WWP2: variants seen among roughly 807,000 people sequenced by gnomAD.
WWP2 encodes the protein WW domain containing E3 ubiquitin protein ligase 2, also known as NEDD4-like E3 ubiquitin-protein ligase WWP2.
A neutral mutation model predicts 121.0 loss-of-function variants in WWP2; 57 were observed. The ratio of observed to expected loss-of-function variants is 0.47; its 90% CI spans 0.38 to 0.59. The LOEUF is 0.59. WWP2 is among the 20% of genes least tolerant of loss of function. The pLI is 0.00. For missense variants in WWP2, 962 were observed against 1,158.9 expected, an observed-to-expected ratio of 0.83 and a Z score of 2.47; for synonymous variants, 449 against 441.3, an observed-to-expected ratio of 1.02 and a Z score of -0.22.
In WWP2 at chr16:69,937,303, G is replaced by A. The variant is rs768682107; in HGVS notation, c.2238+65G>A. On this transcript the variant is annotated intron_variant, in intron 20 of 23. Coordinates refer to ENST00000359154, the MANE Select transcript of WWP2 (RefSeq NM_001270454.2). This position sits in a 1 kb window ranked among gnomAD's most constrained non-coding sequence, Gnocchi z 6.6. The stretch of plus-strand genomic sequence containing the variant: ...CTGGGGCGATCCTGCTCTGTGATAC[G>A]CTCACTGTGTACCCACAGACACTCA... 102 of 1,590,224 alleles carry A rather than the reference G, an allele frequency of 6.4e-5. 1 individual carries two copies. In the Middle Eastern group the frequency reaches 1.7e-3, roughly 26 times the overall value.
intron 1 of WWP2, among the ~76,000 whole-genome samples, chr16:69,766,780 G>T (rs1344905931): frequency 6.6e-6 from 1 of 152,090 alleles, no homozygotes; most frequent in Non-Finnish European, 1.5e-5. Flanking sequence ...TATTTTTGGA[G>T]TGTTGTTCTG....
intron 4 of WWP2, among the ~76,000 whole-genome samples, chr16:69,834,747 C>T (rs563185491): frequency 4.6e-5 from 7 of 151,920 alleles, no homozygotes; most frequent in Admixed American, 1.3e-4. Context: ...AGGCTGGTCT[C>T]AAACTCCTGA....
In WWP2 at chr16:69,925,316, A is replaced by C; in HGVS notation, c.1180-114A>C. ...CTAAAGTCCCACTGCATTCCCTGCA[A>C]AGCGCTCAAATGTGGAAGCCAGTCA... On this transcript the variant is annotated intron_variant, in intron 10 of 23. Coordinates refer to ENST00000359154, the MANE Select transcript of WWP2 (RefSeq NM_001270454.2). This position sits in a 1 kb window ranked among gnomAD's most constrained non-coding sequence, Gnocchi z 4.0. 6.8e-5 allele frequency: 102 copies of C among 1,509,644 alleles called. No individual in the cohort carries two copies. Among genetic ancestry groups the C allele is most frequent in the East Asian group, 2.6e-4 (11 of 42,252 alleles). 93.5% of individuals were successfully genotyped at this position (1,509,644 alleles called of 1,614,324 possible). A position where few individuals can be genotyped will look rare whatever the true frequency, so the allele number is the denominator to read the frequency against.
intron 4 of WWP2, among the ~76,000 whole-genome samples, chr16:69,828,748 G>A (rs748988673): frequency 8.6e-5 from 13 of 152,044 alleles, no homozygotes; most frequent in Non-Finnish European, 1.6e-4. Context: ...TGATCCACCC[G>A]TCTTGGCAAG....
chr16:69,915,554 TAAAG>T (rs1443691934), intron 9 of WWP2, among the ~76,000 whole-genome samples: 2 of 151,998 alleles, frequency 1.3e-5, no homozygotes, highest in Non-Finnish European at 2.9e-5. Context: ...GTCTCTGTAT[TAAAG>T]AAAAGACAAA....
At chr16:69,882,389 CA>C (rs759481408) in intron 7 of WWP2, among the ~76,000 whole-genome samples, 10 of 152,088 alleles carry the variant, frequency 6.6e-5, no homozygotes, top group Non-Finnish European at 1.3e-4. Flanking sequence ...CCTATTCAAT[CA>C]AATATCTTTC....
At chr16:69,890,730 GTTCTC>G (rs1228671899) in intron 8 of WWP2, 1 of 152,204 alleles carries the variant, frequency 6.6e-6, no homozygotes, top group Non-Finnish European at 1.5e-5. Context: ...GAGGGTTACT[GTTCTC>G]GGGGATTGGG....
At chr16:69,854,972 C>G (rs149631835) in intron 6 of WWP2, among the ~76,000 whole-genome samples, 2 of 152,306 alleles carry the variant, frequency 1.3e-5, no homozygotes, top group African/African-American at 4.8e-5. Flanking sequence ...CCTCTTGCCT[C>G]AGCCTCCCAA....
chr16:69,888,035 T>G lies in WWP2; in HGVS notation c.704-4T>G. 1 of 1,614,132 alleles carries G rather than the reference T, an allele frequency of 6.2e-7. No individual in the cohort carries two copies. The highest frequency in any genetic ancestry group is 8.5e-7 in the Non-Finnish European group (1 of 1,179,978). Reference sequence around the variant, plus strand: ...TCTTTAAAGTATGATTTGTGCATCTTCAGTGAATGATGAACCCACAACAGC... The same window carrying G: ...TCTTTAAAGTATGATTTGTGCATCTGCAGTGAATGATGAACCCACAACAGC... On this transcript the variant is annotated splice_region_variant and splice_polypyrimidine_tract_variant and intron_variant, in intron 7 of 23. Transcript: ENST00000359154.
chr16:69,810,189 A>G (rs938180925), intron 4 of WWP2, among the ~76,000 whole-genome samples: 15 of 152,158 alleles, frequency 9.9e-5, no homozygotes, highest in African/African-American at 3.6e-4. Context: ...TTGGCTGGGA[A>G]ACTCAGCTGG....
chr16:69,892,982 A>T lies in WWP2; in HGVS notation c.914+4733A>T, dbSNP rs375884973. ...GTAATATGACCCCACCTACCCTTCA[A>T]GCCTTCGGTGGGATCCACTCCACAT... is the stretch of plus-strand genomic sequence containing the variant. On this transcript the variant is annotated intron_variant, in intron 8 of 23. Coordinates refer to ENST00000359154, the MANE Select transcript of WWP2 (RefSeq NM_001270454.2). Among the ~76,000 whole-genome samples, 17 of 152,332 alleles carry T rather than the reference A, an allele frequency of 1.1e-4. 2 individuals carry two copies. The highest frequency in any genetic ancestry group is 3.9e-4 in the East Asian group (2 of 5,184).
intron 9 of WWP2, among the ~76,000 whole-genome samples, chr16:69,912,975 T>C (rs2058413005): frequency 8.2e-4 from 2 of 2,436 alleles, no homozygotes; most frequent in African/African-American, 1.0e-3. Context: ...TATATATATA[T>C]ATATATATAT....
At chr16:69,861,991 G>T (rs1053367021) in intron 6 of WWP2, among the ~76,000 whole-genome samples, 1 of 152,132 alleles carries the variant, frequency 6.6e-6, no homozygotes, top group East Asian at 1.9e-4. Flanking sequence ...ATTGGAATGT[G>T]AGAGGAGTTT....
intron 4 of WWP2, among the ~76,000 whole-genome samples, chr16:69,804,360 T>C (rs1004055299): frequency 6.6e-6 from 1 of 152,178 alleles, no homozygotes; most frequent in African/African-American, 2.4e-5. Context: ...TCCACATGAG[T>C]TTATTTTTGT....
At chr16:69,822,605 G>A (rs753514168) in intron 4 of WWP2, among the ~76,000 whole-genome samples, 12 of 151,944 alleles carry the variant, frequency 7.9e-5, no homozygotes, top group Non-Finnish European at 1.8e-4. Context: ...CCTGGAGGAA[G>A]TGACACCTGG....
intron 1 of WWP2, among the ~76,000 whole-genome samples, chr16:69,770,422 C>T (rs1258240202): frequency 6.6e-6 from 1 of 152,162 alleles, no homozygotes; most frequent in African/African-American, 2.4e-5. Flanking sequence ...TGGATGGCTG[C>T]ACACGTGGAG....
intron 1 of WWP2, among the ~76,000 whole-genome samples, chr16:69,776,555 C>T (rs771945141): frequency 2.6e-5 from 4 of 152,130 alleles, no homozygotes; most frequent in East Asian, 3.8e-4. Context: ...ATAGGCCGGG[C>T]GCAGTGGCTT....
intron 6 of WWP2, among the ~76,000 whole-genome samples, chr16:69,848,450 CA>C (rs201577619): frequency 3.6e-4 from 48 of 132,154 alleles, no homozygotes; most frequent in South Asian, 4.8e-4. Context: ...AGCTCCATCT[CA>C]AAAAAAAAAA....
chr16:69,867,249 A>G (rs2057543751), intron 6 of WWP2, among the ~76,000 whole-genome samples: 1 of 151,830 alleles, frequency 6.6e-6, no homozygotes, highest in Non-Finnish European at 1.5e-5. Flanking sequence ...CTGAGGTAAC[A>G]CTGTCACGTG....
Sources: gnomAD v4.1 joint callset for allele counts (sites outside exome capture counted in the v4.1 genomes callset) on GRCh38, gnomAD v4.1.1 for gene constraint, Gnocchi (gnomAD v3.1) non-coding constraint, MANE v1.5 for transcripts, NCBI Gene and HGNC (gene_info 2026-07-23, HGNC 2026-07-21) for gene names.